The following THRA variants were observed in gnomAD, a reference collection of about 807,000 sequenced individuals.
THRA encodes thyroid hormone receptor alpha, also known as EAR-7.
THRA carries 13 observed loss-of-function variants against 45.0 expected under a neutral mutation model. The observed-to-expected ratio is 0.29, with a 90% confidence interval of 0.19 to 0.46. The LOEUF (loss-of-function observed/expected upper bound fraction) is 0.46. THRA is among the 20% of genes least tolerant of loss of function. The pLI, the probability that THRA is intolerant of heterozygous loss-of-function variation, is 1.00. For missense variants in THRA, 278 were observed against 556.1 expected (o/e 0.50, Z 5.03); for synonymous variants, 195 against 214.0 (o/e 0.91, Z 0.78).
In THRA at chr17:40,089,833, C is replaced by T. The variant is rs1444905942; in HGVS notation, c.*377C>T. ...GAAGATGCCCTCAACTCACCCCCTACACACACATGAGAGAGAGCCCCCACC... is the reference window on the plus strand; with the variant it reads ...GAAGATGCCCTCAACTCACCCCCTATACACACATGAGAGAGAGCCCCCACC... On this transcript the variant is annotated 3_prime_UTR_variant, in exon 9 of 9. Coordinates refer to ENST00000450525, the MANE Select transcript of THRA (RefSeq NM_199334.5). The surrounding 1 kb of genome is among the most constrained non-coding windows in gnomAD (Gnocchi z 6.1). 4.6e-6 allele frequency: 5 copies of T among 1,092,274 alleles called. 1 individual carries two copies. The highest frequency in any genetic ancestry group is 3.3e-5 in the African/African-American group (2 of 60,324). 67.7% of individuals were successfully genotyped at this position (1,092,274 alleles called of 1,614,324 possible). A position where few individuals can be genotyped will look rare whatever the true frequency, so the allele number is the denominator to read the frequency against.
intron 4 of THRA, among the ~76,000 whole-genome samples, chr17:40,082,758 CTTTTTTT>C (rs920725279): frequency 0.019 from 1,300 of 67,372 alleles, 14 homozygotes; most frequent in African/African-American, 0.079. Flanking sequence ...GAATCGCATG[CTTTTTTT>C]TTTTTTTTTT....
chr17:40,069,750 C>T (rs909744410), intron 1 of THRA, among the ~76,000 whole-genome samples: 2 of 151,846 alleles, frequency 1.3e-5, no homozygotes, highest in African/African-American at 2.4e-5. Flanking sequence ...AGTTCTCCAG[C>T]ATGGGTGTGG....
downstream of THRA, chr17:40,093,465 A>C (rs1987669316): frequency 6.7e-7 from 1 of 1,497,206 alleles, no homozygotes; most frequent in Non-Finnish European, 8.9e-7. This position sits in a 1 kb window ranked among gnomAD's most constrained non-coding sequence, Gnocchi z 5.9. Context: ...GAGGTGCCTG[A>C]AAGCTGGGAG....
rs1987638365 is a variant in THRA at position 40,092,930 on chromosome 17, G to A, written c.*3474G>A. The A allele has an allele frequency of 6.6e-7, 1 of 1,510,776 alleles. No homozygotes were observed. The highest frequency in any genetic ancestry group is 8.9e-7 in the Non-Finnish European group (1 of 1,128,930). 93.6% of individuals were successfully genotyped at this position (1,510,776 alleles called of 1,614,324 possible). On this transcript the variant is annotated 3_prime_UTR_variant, in exon 9 of 9. Coordinates refer to ENST00000450525, the MANE Select transcript of THRA (RefSeq NM_199334.5). ...GGGGGAGGGAGGCAGGTATTTACAA[G>A]AAGGCTCAGGGGGCCAGAGGCTCAT...
rs568185136 is a variant in THRA at position 40,091,749 on chromosome 17, T to C, written c.*2293T>C. 1.3e-5 allele frequency: 2 copies of C among 152,224 alleles called. No homozygotes were observed. Among genetic ancestry groups the C allele is most frequent in the South Asian group, 2.1e-4 (1 of 4,828 alleles). The allele number at this position is 152,224 out of a possible 1,614,324, so 9.4% of individuals were successfully genotyped here. On this transcript the variant is annotated 3_prime_UTR_variant, in exon 9 of 9. Coordinates refer to ENST00000450525, the MANE Select transcript of THRA (RefSeq NM_199334.5). ...GGACCCCTCCCTTCCCCCTCGGTGATGTGGGGTGTATGTGTGCGTTCCTCT... is the reference window on the plus strand; with the variant it reads ...GGACCCCTCCCTTCCCCCTCGGTGACGTGGGGTGTATGTGTGCGTTCCTCT...
chr17:40,066,962 T>G (rs1466297419), intron 1 of THRA, among the ~76,000 whole-genome samples: 2 of 151,820 alleles, frequency 1.3e-5, no homozygotes, highest in Non-Finnish European at 1.5e-5. Context: ...ACTGTATATG[T>G]GAGCGGTTGT....
intron 1 of THRA, among the ~76,000 whole-genome samples, chr17:40,072,669 C>T (rs1986818573): frequency 6.6e-6 from 1 of 152,066 alleles, no homozygotes; most frequent in South Asian, 2.1e-4. Context: ...TCCAGCCCAA[C>T]CCCCGTAGCG....
At chr17:40,076,831 A>G in intron 2 of THRA, 40 bp from the exon 3 acceptor site, 1 of 1,609,444 alleles carries the variant, frequency 6.2e-7, no homozygotes, top group Non-Finnish European at 8.5e-7. Context: ...GGGCTACTCG[A>G]AGACTGCTCT....
chr17:40,069,757 G>A (rs1198796180), intron 1 of THRA, among the ~76,000 whole-genome samples: 1 of 152,000 alleles, frequency 6.6e-6, no homozygotes, highest in Non-Finnish European at 1.5e-5. Flanking sequence ...CAGCATGGGT[G>A]TGGGCATGAC....
intron 1 of THRA, among the ~76,000 whole-genome samples, chr17:40,067,789 G>A (rs549642427): frequency 7.9e-5 from 12 of 152,178 alleles, no homozygotes; most frequent in East Asian, 1.9e-4. Flanking sequence ...AGGCCAAGGC[G>A]GGAGGATCAC....
intron 4 of THRA, among the ~76,000 whole-genome samples, chr17:40,081,873 G>T (rs995117600): frequency 1.3e-5 from 2 of 151,916 alleles, no homozygotes; most frequent in African/African-American, 4.8e-5. Context: ...TGAGGCAGGA[G>T]AATTGCTTGT....
chr17:40,076,798 C>G lies in THRA; in HGVS notation c.54-73C>G, dbSNP rs1039861172. ...GAAAGAATCAGGCCTTGGGGGATTGCATAAGCCTCTCGGATGAGAAAGGGG... is the reference window on the plus strand; with the variant it reads ...GAAAGAATCAGGCCTTGGGGGATTGGATAAGCCTCTCGGATGAGAAAGGGG... On this transcript the variant is annotated intron_variant, in intron 2 of 8. Coordinates refer to ENST00000450525, the MANE Select transcript of THRA (RefSeq NM_199334.5). 33 of 1,508,266 alleles carry G rather than the reference C, an allele frequency of 2.2e-5. No homozygotes were observed. The African/African-American group carries it at 3.6e-4, about 16-fold the overall frequency. 93.4% of individuals were successfully genotyped at this position (1,508,266 alleles called of 1,614,324 possible).
chr17:40,078,727 CT>C (rs746350223), intron 4 of THRA, among the ~76,000 whole-genome samples: 18,742 of 102,234 alleles, frequency 0.18, 707 homozygotes, highest in Admixed American at 0.28. Context: ...CAGCCTTCAT[CT>C]TTTTTTTTTT....
chr17:40,087,206 G>T (rs1442538739), intron 7 of THRA, among the ~76,000 whole-genome samples: 2 of 102,322 alleles, frequency 2.0e-5, no homozygotes, highest in Non-Finnish European at 4.1e-5. Flanking sequence ...CCAGCACACA[G>T]ACACACACAC....
intron 4 of THRA, among the ~76,000 whole-genome samples, chr17:40,081,117 A>G (rs1298342885): frequency 1.3e-5 from 2 of 152,144 alleles, no homozygotes; most frequent in African/African-American, 2.4e-5. Context: ...CACCGGCCAC[A>G]TGACTTTGGG....
At chr17:40,075,394 A>C (rs756253800) in intron 2 of THRA, among the ~76,000 whole-genome samples, 3 of 152,184 alleles carry the variant, frequency 2.0e-5, no homozygotes, top group African/African-American at 4.8e-5. Flanking sequence ...TGGCCAGGCA[A>C]AGCCCTAAGG....
chr17:40,082,758 CTTTTTTTTTT>C (rs920725279), intron 4 of THRA, among the ~76,000 whole-genome samples: 11 of 67,526 alleles, frequency 1.6e-4, no homozygotes, highest in Non-Finnish European at 2.0e-4. Context: ...GAATCGCATG[CTTTTTTTTTT>C]TTTTTTTTTT....
In THRA at chr17:40,090,998, T is replaced by C. The variant is rs1163430073; in HGVS notation, c.*1542T>C. ...AGGGAGAGAGGAGGTGGTCCTCCCA[T>C]GGGAGCAGGAGGTGGGGTGGGACAG... is the stretch of plus-strand genomic sequence containing the variant. On this transcript the variant is annotated 3_prime_UTR_variant, in exon 9 of 9. Transcript: ENST00000450525. 6.7e-6 allele frequency: 1 copy of C among 149,946 alleles called. No individual in the cohort carries two copies. The highest frequency in any genetic ancestry group is 2.5e-5 in the African/African-American group (1 of 40,418). The allele number at this position is 149,946 out of a possible 1,614,324, so 9.3% of individuals were successfully genotyped here.
intron 6 of THRA, among the ~76,000 whole-genome samples, chr17:40,086,199 G>C (rs1428120476): frequency 6.6e-6 from 1 of 152,198 alleles, no homozygotes; most frequent in Non-Finnish European, 1.5e-5. Flanking sequence ...TCATGGTGGA[G>C]CATGCCGGGG....
Sources: allele counts gnomAD v4.1 joint callset (sites outside exome capture counted in the v4.1 genomes callset), GRCh38; gene constraint gnomAD v4.1.1; non-coding constraint Gnocchi (gnomAD v3.1); transcripts MANE v1.5; gene names NCBI Gene and HGNC (gene_info 2026-07-23, HGNC 2026-07-21).